The following PATJ variants were observed in gnomAD, a reference collection of about 807,000 sequenced individuals.
PATJ encodes PATJ crumbs cell polarity complex component, also known as inaD-like protein.
In PATJ, 190 loss-of-function variants were observed where a neutral mutation model predicts 224.9. The observed-to-expected ratio is 0.84, with a 90% CI of 0.75 to 0.95. The LOEUF (loss-of-function observed/expected upper bound fraction) is 0.95, where lower values mean the gene tolerates loss of function less well. PATJ is among the 40% of genes least tolerant of loss of function. PATJ has a pLI of 0.00. For missense variants in PATJ, 2,121 were observed against 2,270.3 expected (o/e 0.93, Z 1.34); for synonymous variants, 769 against 820.3 (o/e 0.94, Z 1.07).
At chr1:61,748,130 C>A (rs1408078537) in intron 1 of PATJ, among the ~76,000 whole-genome samples, 1 of 151,550 alleles carries the variant, frequency 6.6e-6, no homozygotes, top group African/African-American at 2.4e-5. Flanking sequence ...CCACCCGCCT[C>A]GGCCTCCCAA....
chr1:62,014,017 G>A (rs986299006), intron 28 of PATJ, among the ~76,000 whole-genome samples: 2 of 151,848 alleles, frequency 1.3e-5, no homozygotes, highest in Non-Finnish European at 2.9e-5. Context: ...CAAATGATCC[G>A]CCCACCTCGG....
At chr1:61,996,078 A>G (rs1645336284) in intron 28 of PATJ, among the ~76,000 whole-genome samples, 2 of 152,210 alleles carry the variant, frequency 1.3e-5, no homozygotes, top group Non-Finnish European at 2.9e-5. Context: ...TTCCCTTTGT[A>G]TCATTCACCT....
chr1:61,815,656 C>T (rs1655951411), intron 14 of PATJ, among the ~76,000 whole-genome samples: 1 of 151,998 alleles, frequency 6.6e-6, no homozygotes, highest in South Asian at 2.1e-4. Context: ...TTGAGACCAA[C>T]CTGGTCAACA....
intron 29 of PATJ, among the ~76,000 whole-genome samples, chr1:62,026,888 G>T (rs958700251): frequency 2.6e-5 from 4 of 152,088 alleles, no homozygotes; most frequent in African/African-American, 7.2e-5. Context: ...TTGAAAGCTG[G>T]GTCTGGAAGA....
At chr1:61,868,686 G>A (rs1467684037) in intron 20 of PATJ, among the ~76,000 whole-genome samples, 1 of 152,088 alleles carries the variant, frequency 6.6e-6, no homozygotes, top group Non-Finnish European at 1.5e-5. Flanking sequence ...CTACTCGGGA[G>A]GCTGAGCCAG....
At chr1:62,114,529 G>A (rs12044746) in intron 35 of PATJ, 40,246 of 271,412 alleles carry the variant, frequency 0.15, 5,692 homozygotes, top group East Asian at 0.7. Flanking sequence ...TAAGATCGGA[G>A]TTTTGCAGAG....
chr1:61,770,725 C>T (rs1646552257), intron 5 of PATJ, among the ~76,000 whole-genome samples: 1 of 151,838 alleles, frequency 6.6e-6, no homozygotes, highest in Non-Finnish European at 1.5e-5. Context: ...GCCTGGGTAA[C>T]ATAGCAAAAC....
At chr1:62,082,879 C>G (rs2148747148) in intron 32 of PATJ, among the ~76,000 whole-genome samples, 1 of 152,236 alleles carries the variant, frequency 6.6e-6, no homozygotes, top group East Asian at 1.9e-4. Context: ...TTAATGAGCA[C>G]TGGGATCTCA....
chr1:61,925,404 C>T (rs1022311310), intron 26 of PATJ, among the ~76,000 whole-genome samples: 1 of 152,152 alleles, frequency 6.6e-6, no homozygotes, highest in East Asian at 1.9e-4. Context: ...GACCATAAAA[C>T]CAAACTTCAT....
intron 27 of PATJ, among the ~76,000 whole-genome samples, chr1:61,971,458 T>G (rs1301647825): frequency 6.6e-6 from 1 of 150,622 alleles, no homozygotes; most frequent in Non-Finnish European, 1.5e-5. Context: ...TACAAAAAAT[T>G]TAAAAATTAG....
At chr1:62,138,972 C>T (rs996165364) in intron 41 of PATJ, among the ~76,000 whole-genome samples, 1 of 152,164 alleles carries the variant, frequency 6.6e-6, no homozygotes, top group East Asian at 1.9e-4. Flanking sequence ...CTGCCTCCCA[C>T]ACTAGATGAC....
intron 27 of PATJ, chr1:61,952,522 G>A: frequency 1.5e-6 from 1 of 684,630 alleles, no homozygotes; most frequent in Non-Finnish European, 2.8e-6. Flanking sequence ...GGTAAGCCAA[G>A]GCATTTTTCT....
chr1:62,060,347 T>C (rs141185614), intron 31 of PATJ, among the ~76,000 whole-genome samples: 26 of 152,278 alleles, frequency 1.7e-4, no homozygotes, highest in South Asian at 8.3e-4. Flanking sequence ...TTTTTTATTT[T>C]TAATTTCAAC....
chr1:61,883,138 G>A (rs1212772945), intron 21 of PATJ, among the ~76,000 whole-genome samples: 2 of 152,112 alleles, frequency 1.3e-5, no homozygotes, highest in Admixed American at 6.5e-5. Flanking sequence ...CAAATATAAG[G>A]AGAAAATACT....
intron 27 of PATJ, among the ~76,000 whole-genome samples, chr1:61,959,426 TTTTTTTTC>T (rs1680917900): frequency 9.0e-5 from 9 of 99,684 alleles, no homozygotes; most frequent in African/African-American, 2.9e-4. Flanking sequence ...ATATAATATA[TTTTTTTTC>T]TTTTCTTTTT....
intron 27 of PATJ, among the ~76,000 whole-genome samples, chr1:61,953,169 A>G (rs1468490517): frequency 6.6e-6 from 1 of 152,204 alleles, no homozygotes; most frequent in Non-Finnish European, 1.5e-5. Flanking sequence ...GCCTGACTTA[A>G]AAAATTAATT....
intron 29 of PATJ, among the ~76,000 whole-genome samples, chr1:62,030,561 ATG>A (rs76343495): frequency 0.13 from 20,276 of 152,078 alleles, 1,555 homozygotes; most frequent in Middle Eastern, 0.26. Context: ...AATAGATTTT[ATG>A]TCTTAAGTCT....
chr1:62,004,495 C>T (rs1249388593), intron 28 of PATJ, among the ~76,000 whole-genome samples: 2 of 151,670 alleles, frequency 1.3e-5, no homozygotes, highest in African/African-American at 4.8e-5. Flanking sequence ...TTTTTTTCAC[C>T]CCGAGTAAAT....
intron 20 of PATJ, among the ~76,000 whole-genome samples, chr1:61,871,557 ATTTTTTTTTTT>A (rs71582650): frequency 2.7e-4 from 15 of 55,046 alleles, no homozygotes; most frequent in East Asian, 2.6e-3. Context: ...ATATATATAT[ATTTTTTTTTTT>A]TTTTTTTTTT....
Sources: gnomAD v4.1 joint callset for allele counts (sites outside exome capture counted in the v4.1 genomes callset) on GRCh38, gnomAD v4.1.1 for gene constraint, MANE v1.5 for transcripts, NCBI Gene and HGNC (gene_info 2026-07-23, HGNC 2026-07-21) for gene names.